Variants in ACTR3B observed in about 807,000 individuals in gnomAD.
ACTR3B encodes actin-related protein 3B.
Under a neutral mutation model 59.0 loss-of-function variants are expected in ACTR3B, and 8 were observed. That is an observed-to-expected ratio of 0.14 (90% CI 0.08 to 0.24). ACTR3B has a LOEUF of 0.24. Ranked by LOEUF, ACTR3B falls within the 10% of genes least tolerant of loss-of-function variation. ACTR3B has a pLI of 1.00. For missense variants in ACTR3B, 245 were observed against 552.3 expected (o/e 0.44, Z 5.58); for synonymous variants, 148 against 197.9 (o/e 0.75, Z 2.12).
intron 1 of ACTR3B, among the ~76,000 whole-genome samples, chr7:152,764,422 A>G (rs1173403541): frequency 6.6e-6 from 1 of 152,114 alleles, no homozygotes. Flanking sequence ...ACCCGTGGTC[A>G]GGAGATCGAG....
chr7:152,770,034 T>G (rs1235591986), intron 1 of ACTR3B, among the ~76,000 whole-genome samples: 19 of 152,190 alleles, frequency 1.2e-4, no homozygotes, highest in Non-Finnish European at 2.8e-4. Flanking sequence ...CATAAAAGCT[T>G]CATTTAGGAA....
chr7:152,760,374 C>G (rs970852254), intron 1 of ACTR3B, among the ~76,000 whole-genome samples: 1 of 152,246 alleles, frequency 6.6e-6, no homozygotes. Context: ...TGAACGGTGT[C>G]CCTGCCTTCC....
intron 9 of ACTR3B, among the ~76,000 whole-genome samples, chr7:152,837,268 T>C (rs187249966): frequency 1.0e-4 from 16 of 152,382 alleles, no homozygotes; most frequent in African/African-American, 3.6e-4. Context: ...GAGTAAGCAC[T>C]GTTGCTTTAC....
chr7:152,852,097 CA>C (rs746900743), intron 9 of ACTR3B, 28 bp from the exon 10 acceptor site: 9 of 1,613,854 alleles, frequency 5.6e-6, no homozygotes, highest in Middle Eastern at 1.6e-4. Context: ...CGGTTTTACC[CA>C]GGGCTCCCTC....
intron 1 of ACTR3B, among the ~76,000 whole-genome samples, chr7:152,762,140 C>T (rs142179999): frequency 6.6e-6 from 1 of 152,266 alleles, no homozygotes; most frequent in East Asian, 1.9e-4. Context: ...ATCCCAGTAT[C>T]CTTGAATCCT....
At chr7:152,797,167 A>G (rs1448252948) in intron 2 of ACTR3B, among the ~76,000 whole-genome samples, 1 of 152,138 alleles carries the variant, frequency 6.6e-6, no homozygotes, top group African/African-American at 2.4e-5. Flanking sequence ...ATCATAGCTC[A>G]TTGCAGCCTC....
chr7:152,761,624 AGT>A (rs2098089635), intron 1 of ACTR3B, among the ~76,000 whole-genome samples: 4 of 152,178 alleles, frequency 2.6e-5, no homozygotes, highest in Admixed American at 2.0e-4. Context: ...TGTGGCCCAA[AGT>A]CATGCTTCAG....
At chr7:152,773,596 CA>C (rs1208382235) in intron 1 of ACTR3B, among the ~76,000 whole-genome samples, 2 of 151,430 alleles carry the variant, frequency 1.3e-5, no homozygotes, top group East Asian at 3.9e-4. Flanking sequence ...AAAAAAAAAG[CA>C]AAAGGATGGT....
chr7:152,819,012 T>C (rs1198189282), intron 6 of ACTR3B, among the ~76,000 whole-genome samples: 1 of 152,266 alleles, frequency 6.6e-6, no homozygotes, highest in East Asian at 1.9e-4. Context: ...TGAGCTGATA[T>C]TTATTTAACA....
chr7:152,842,427 C>G (rs1441852365), intron 9 of ACTR3B, among the ~76,000 whole-genome samples: 1 of 150,578 alleles, frequency 6.6e-6, no homozygotes, highest in Non-Finnish European at 1.5e-5. Context: ...CAGAATGGTG[C>G]GCAGTTTAAA....
chr7:152,823,205 A>G lies in ACTR3B; in HGVS notation c.685-137A>G, dbSNP rs540065099. ...GACGATGGAATGTGAGGCTTGATGC[A>G]TATCCACACTAGAGTTACGGTGGGG... On this transcript the variant is annotated intron_variant, in intron 7 of 11. Transcript: ENST00000256001. The G allele has an allele frequency of 8.3e-5, 99 of 1,187,592 alleles. No homozygotes were observed. The African/African-American group carries it at 1.4e-3, about 17-fold the overall frequency. The allele number at this position is 1,187,592 out of a possible 1,614,324, so 73.6% of individuals were successfully genotyped here.
chr7:152,769,289 A>G (rs535103803), intron 1 of ACTR3B, among the ~76,000 whole-genome samples: 11 of 152,262 alleles, frequency 7.2e-5, no homozygotes, highest in Admixed American at 7.2e-4. Context: ...TTGCTGCCAT[A>G]TTGGTTATCT....
At chr7:152,763,313 C>CAAAAAA (rs925259822) in intron 1 of ACTR3B, among the ~76,000 whole-genome samples, 2 of 20,500 alleles carry the variant, frequency 9.8e-5, no homozygotes, top group Non-Finnish European at 2.0e-4. Flanking sequence ...GACTCCATCT[C>CAAAAAA]AAAAAAAAAA....
At chr7:152,765,113 T>TA in intron 1 of ACTR3B, among the ~76,000 whole-genome samples, 3 of 94,884 alleles carry the variant, frequency 3.2e-5, no homozygotes, top group Non-Finnish European at 4.9e-5. Context: ...CTGGCCCTTT[T>TA]TTTTTTTTTT....
At chr7:152,764,930 G>A (rs1338191254) in intron 1 of ACTR3B, among the ~76,000 whole-genome samples, 1 of 152,074 alleles carries the variant, frequency 6.6e-6, no homozygotes, top group Non-Finnish European at 1.5e-5. Flanking sequence ...TGCTGTAACA[G>A]AATACCACAC....
intron 6 of ACTR3B, among the ~76,000 whole-genome samples, chr7:152,819,531 C>T (rs1190416435): frequency 6.6e-6 from 1 of 152,174 alleles, no homozygotes; most frequent in Non-Finnish European, 1.5e-5. Context: ...CACAGGAAGG[C>T]TGATGAGGGA....
At chr7:152,829,590 A>G (rs534363394) in intron 9 of ACTR3B, among the ~76,000 whole-genome samples, 2 of 152,278 alleles carry the variant, frequency 1.3e-5, no homozygotes, top group South Asian at 4.1e-4. Context: ...GTGTGAGAGC[A>G]GGTGAAAATC....
chr7:152,798,388 T>C (rs906988012), intron 2 of ACTR3B, among the ~76,000 whole-genome samples: 9 of 152,182 alleles, frequency 5.9e-5, no homozygotes, highest in African/African-American at 1.9e-4. Flanking sequence ...GGGTTATTTG[T>C]TTTTTTATTG....
chr7:152,845,345 A>G (rs1425241772), intron 9 of ACTR3B, among the ~76,000 whole-genome samples: 4 of 152,112 alleles, frequency 2.6e-5, no homozygotes, highest in African/African-American at 9.7e-5. Flanking sequence ...TAACTTCTCC[A>G]GAAGCACCTT....
Sources: gnomAD v4.1 joint callset for allele counts (sites outside exome capture counted in the v4.1 genomes callset) on GRCh38, gnomAD v4.1.1 for gene constraint, MANE v1.5 for transcripts, NCBI Gene and HGNC (gene_info 2026-07-23, HGNC 2026-07-21) for gene names.